Variants in MARCHF1 observed in about 807,000 individuals in gnomAD.
The protein encoded by MARCHF1 is E3 ubiquitin-protein ligase MARCHF1.
MARCHF1 carries 40 observed loss-of-function variants against 54.2 expected under a neutral mutation model. The ratio of observed to expected loss-of-function variants is 0.74; its 90% CI spans 0.57 to 0.96. The LOEUF (loss-of-function observed/expected upper bound fraction) is 0.96, where lower values mean the gene tolerates loss of function less well. Ranked by LOEUF, MARCHF1 falls within the 40% of genes least tolerant of loss-of-function variation. MARCHF1 has a pLI of 0.00. For missense variants in MARCHF1, 586 were observed against 656.5 expected (o/e 0.89, Z 1.17); for synonymous variants, 236 against 236.3 (o/e 1.00, Z 0.01).
At chr4:164,331,530 TAATAA>T (rs1561005302) in intron 1 of MARCHF1, among the ~76,000 whole-genome samples, 3 of 152,226 alleles carry the variant, frequency 2.0e-5, no homozygotes, top group South Asian at 2.1e-4. Context: ...ACATTTTGGG[TAATAA>T]TATAAGGCTA....
intron 1 of MARCHF1, among the ~76,000 whole-genome samples, chr4:164,363,766 C>CGTGTGTGTGT (rs113007142): frequency 0.057 from 8,586 of 150,018 alleles, 679 homozygotes; most frequent in East Asian, 0.23. Flanking sequence ...ATTAATAAGC[C>CGTGTGTGTGT]GTGTGTGTGT....
chr4:163,869,341 T>C (rs538813081), intron 3 of MARCHF1, among the ~76,000 whole-genome samples: 3 of 152,104 alleles, frequency 2.0e-5, no homozygotes, highest in Non-Finnish European at 4.4e-5. Context: ...AGATGCTCCA[T>C]GACCTTTGGC....
intron 1 of MARCHF1, among the ~76,000 whole-genome samples, chr4:164,349,167 C>A (rs1034694636): frequency 2.6e-5 from 4 of 152,102 alleles, no homozygotes; most frequent in African/African-American, 9.7e-5. Context: ...AATAGATCTG[C>A]CCTGACTCAT....
In MARCHF1 at chr4:164,285,536, G is replaced by A. The variant is rs185777975; in HGVS notation, c.-323+98334C>T. Among the ~76,000 whole-genome samples, 857 of 151,986 alleles carry A rather than the reference G, an allele frequency of 5.6e-3. 11 individuals carry two copies. Among genetic ancestry groups the A allele is most frequent in the African/African-American group, 0.02 (827 of 41,530 alleles). On this transcript the variant is annotated intron_variant, in intron 1 of 9. Transcript: ENST00000514618. ...CGGCTCACGGCAAGCTCCGCCTCCC[G>A]AGTTCACGCCATTTTCCTGCCTCAG...
At chr4:163,903,712 G>T (rs1750992127) in intron 3 of MARCHF1, among the ~76,000 whole-genome samples, 1 of 151,952 alleles carries the variant, frequency 6.6e-6, no homozygotes, top group African/African-American at 2.4e-5. Flanking sequence ...CCAGGCTCAA[G>T]TGATTTTCCT....
At chr4:164,220,886 AACAGTAGTAG>A (rs199720343) in intron 1 of MARCHF1, among the ~76,000 whole-genome samples, 1,669 of 151,664 alleles carry the variant, frequency 0.011, 18 homozygotes, top group Non-Finnish European at 0.017. Context: ...AAAAAAACAA[AACAGTAGTAG>A]ACAGTAGTAG....
intron 3 of MARCHF1, among the ~76,000 whole-genome samples, chr4:163,882,011 A>G (rs755997999): frequency 2.6e-5 from 4 of 152,202 alleles, no homozygotes; most frequent in Non-Finnish European, 4.4e-5. Context: ...AAAGCTACAT[A>G]AATAGTGAAT....
chr4:164,322,008 C>T lies in MARCHF1; in HGVS notation c.-323+61862G>A, dbSNP rs546206401. 1.5e-4 allele frequency among the ~76,000 whole-genome samples: 23 copies of T among 151,736 alleles called. No individual in the cohort carries two copies. In the East Asian group the frequency reaches 2.3e-3, roughly 15 times the overall value. On this transcript the variant is annotated intron_variant, in intron 1 of 9. Transcript: ENST00000514618. ...TGACTTCAAAACTCAAAGTTTTGAG[C>T]GAAGGAAATATAGAGTCAAATGTCT...
At chr4:164,302,049 T>A (rs1474300199) in intron 1 of MARCHF1, among the ~76,000 whole-genome samples, 1 of 152,170 alleles carries the variant, frequency 6.6e-6, no homozygotes, top group Non-Finnish European at 1.5e-5. Context: ...GACATATTGC[T>A]GACATATGCA....
intron 1 of MARCHF1, among the ~76,000 whole-genome samples, chr4:164,260,679 A>C (rs556751345): frequency 2.2e-4 from 34 of 152,380 alleles, no homozygotes; most frequent in African/African-American, 8.2e-4. Flanking sequence ...TTTTAGCTAT[A>C]GGAACTCATA....
At chr4:163,752,107 C>T (rs998329368) in intron 4 of MARCHF1, among the ~76,000 whole-genome samples, 1 of 152,066 alleles carries the variant, frequency 6.6e-6, no homozygotes, top group Non-Finnish European at 1.5e-5. Flanking sequence ...TCTGTGAAGA[C>T]GGCTGTAATA....
chr4:163,676,990 G>C (rs1189778716), intron 5 of MARCHF1, among the ~76,000 whole-genome samples: 1 of 151,952 alleles, frequency 6.6e-6, no homozygotes, highest in Non-Finnish European at 1.5e-5. Flanking sequence ...AATATCACAT[G>C]AGAAAACACT....
intron 4 of MARCHF1, among the ~76,000 whole-genome samples, chr4:163,703,239 T>C (rs10006968): frequency 0.025 from 3,875 of 152,150 alleles, 164 homozygotes; most frequent in African/African-American, 0.087. Context: ...TTTTTTTTTT[T>C]ACATAAACAT....
At chr4:164,034,062 G>A (rs1376404781) in intron 2 of MARCHF1, among the ~76,000 whole-genome samples, 1 of 128,806 alleles carries the variant, frequency 7.8e-6, no homozygotes, top group Non-Finnish European at 1.6e-5. Flanking sequence ...AAGAAAATGT[G>A]ATAGACAGAT....
intron 1 of MARCHF1, among the ~76,000 whole-genome samples, chr4:164,118,499 A>G (rs1755989015): frequency 6.6e-6 from 1 of 151,138 alleles, no homozygotes; most frequent in Non-Finnish European, 1.5e-5. Context: ...AAATAGAACA[A>G]GGAGAAAATC....
chr4:164,285,555 G>A (rs1049151753), intron 1 of MARCHF1, among the ~76,000 whole-genome samples: 1 of 151,910 alleles, frequency 6.6e-6, no homozygotes, highest in African/African-American at 2.4e-5. Context: ...CCATTTTCCT[G>A]CCTCAGCCTC....
At chr4:164,175,019 G>A (rs555533163) in intron 1 of MARCHF1, among the ~76,000 whole-genome samples, 2 of 152,134 alleles carry the variant, frequency 1.3e-5, no homozygotes, top group African/African-American at 2.4e-5. Flanking sequence ...TGAACTGTGA[G>A]CAGAGCAGAA....
intron 3 of MARCHF1, among the ~76,000 whole-genome samples, chr4:163,959,353 A>C (rs937225535): frequency 5.9e-5 from 9 of 151,640 alleles, no homozygotes; most frequent in African/African-American, 2.2e-4. Flanking sequence ...CAACAAAAAA[A>C]CAAAAAACAC....
At chr4:163,568,163 A>G (rs35299515) in intron 8 of MARCHF1, among the ~76,000 whole-genome samples, 55,925 of 151,982 alleles carry the variant, frequency 0.37, 11,024 homozygotes, top group Non-Finnish European at 0.44. Flanking sequence ...TACATTGGAC[A>G]TATCAATATA....
Sources: gnomAD v4.1 joint callset for allele counts (sites outside exome capture counted in the v4.1 genomes callset) on GRCh38, gnomAD v4.1.1 for gene constraint, MANE v1.5 for transcripts, NCBI Gene and HGNC (gene_info 2026-07-23, HGNC 2026-07-21) for gene names.